CHCHD6: variants seen among roughly 807,000 people sequenced by gnomAD.
CHCHD6 encodes the protein coiled-coil-helix-coiled-coil-helix domain containing 6, also known as MICOS complex subunit MIC25.
Under a neutral mutation model 32.3 loss-of-function variants are expected in CHCHD6, and 28 were observed. The observed-to-expected ratio is 0.87, with a 90% CI of 0.64 to 1.19. The LOEUF (loss-of-function observed/expected upper bound fraction) is 1.19. Among genes scored for constraint, CHCHD6 ranks in the 50% most tolerant of loss-of-function variants. CHCHD6 has a pLI of 0.00. For missense variants in CHCHD6, 333 were observed against 307.0 expected (o/e 1.08, Z -0.63); for synonymous variants, 122 against 117.5 (o/e 1.04, Z -0.25).
chr3:126,864,696 C>T (rs1942177709), intron 5 of CHCHD6, among the ~76,000 whole-genome samples: 1 of 150,214 alleles, frequency 6.7e-6, no homozygotes, highest in Non-Finnish European at 1.5e-5. Context: ...CCTCCTCCAC[C>T]ATCATCTCCT....
intron 6 of CHCHD6, among the ~76,000 whole-genome samples, chr3:126,921,858 T>C (rs2078253271): frequency 6.6e-6 from 1 of 152,218 alleles, no homozygotes; most frequent in African/African-American, 2.4e-5. Context: ...CTTCCCCAGT[T>C]TGTATTTATT....
At chr3:126,769,386 G>T (rs1452460686) in intron 4 of CHCHD6, among the ~76,000 whole-genome samples, 1 of 152,146 alleles carries the variant, frequency 6.6e-6, no homozygotes, top group Non-Finnish European at 1.5e-5. Context: ...GTCTGTTTTT[G>T]TACCAATACT....
At chr3:126,939,483 T>C (rs954141948) in intron 6 of CHCHD6, among the ~76,000 whole-genome samples, 1 of 152,206 alleles carries the variant, frequency 6.6e-6, no homozygotes, top group Non-Finnish European at 1.5e-5. Context: ...TTAGCCTGTG[T>C]GTGTTTGTGT....
intron 1 of CHCHD6, among the ~76,000 whole-genome samples, chr3:126,718,770 C>G (rs1343217906): frequency 6.6e-6 from 1 of 152,238 alleles, no homozygotes; most frequent in African/African-American, 2.4e-5. Context: ...TGGCATCAAG[C>G]ACGCAGCCCC....
intron 4 of CHCHD6, among the ~76,000 whole-genome samples, chr3:126,799,431 G>T (rs1559850672): frequency 6.6e-6 from 1 of 152,168 alleles, no homozygotes; most frequent in Non-Finnish European, 1.5e-5. Flanking sequence ...AAATGTATTT[G>T]TTTCTTAGTG....
intron 4 of CHCHD6, among the ~76,000 whole-genome samples, chr3:126,827,360 A>G (rs1035702457): frequency 4.6e-5 from 7 of 152,162 alleles, no homozygotes; most frequent in African/African-American, 1.7e-4. Context: ...CATCTGGGAG[A>G]CAGTTGATGT....
chr3:126,771,362 G>A (rs1188661793), intron 4 of CHCHD6, among the ~76,000 whole-genome samples: 2 of 151,700 alleles, frequency 1.3e-5, no homozygotes, highest in Non-Finnish European at 2.9e-5. Flanking sequence ...GTACCACCAC[G>A]CCCGGCTAAT....
chr3:126,734,977 T>C (rs1474361739), intron 4 of CHCHD6, among the ~76,000 whole-genome samples: 1 of 152,152 alleles, frequency 6.6e-6, no homozygotes, highest in East Asian at 1.9e-4. Flanking sequence ...CCCCATGGCA[T>C]CCTGGTGAGG....
intron 1 of CHCHD6, among the ~76,000 whole-genome samples, chr3:126,719,703 A>G (rs750978540): frequency 4.0e-5 from 6 of 151,778 alleles, no homozygotes; most frequent in Non-Finnish European, 5.9e-5. Context: ...GAGCTCCAGA[A>G]ACTGAGGGAC....
At chr3:126,712,809 C>G (rs1346337956) in intron 1 of CHCHD6, among the ~76,000 whole-genome samples, 1 of 152,200 alleles carries the variant, frequency 6.6e-6, no homozygotes, top group Non-Finnish European at 1.5e-5. Flanking sequence ...TCTAAATGAC[C>G]CTGCCAGCAC....
At chr3:126,754,295 C>G (rs990263784) in intron 4 of CHCHD6, among the ~76,000 whole-genome samples, 5 of 152,198 alleles carry the variant, frequency 3.3e-5, no homozygotes, top group Non-Finnish European at 7.3e-5. Flanking sequence ...TTGCAAGGAT[C>G]AAGTGTAAAC....
At chr3:126,934,891 T>A (rs2078456720) in intron 6 of CHCHD6, among the ~76,000 whole-genome samples, 2 of 152,304 alleles carry the variant, frequency 1.3e-5, no homozygotes, top group South Asian at 4.1e-4. Context: ...TCCTGGGTCA[T>A]GTAAATTAAC....
At chr3:126,939,655 C>T (rs560174378) in intron 6 of CHCHD6, among the ~76,000 whole-genome samples, 55 of 152,310 alleles carry the variant, frequency 3.6e-4, no homozygotes, top group Middle Eastern at 6.8e-3. Flanking sequence ...TCACATACCT[C>T]GGCAGACATG....
At chr3:126,801,222 G>C (rs1422089330) in intron 4 of CHCHD6, among the ~76,000 whole-genome samples, 1 of 152,218 alleles carries the variant, frequency 6.6e-6, no homozygotes, top group African/African-American at 2.4e-5. Context: ...AGGACAGGCG[G>C]TGCAGCGCAC....
chr3:126,739,602 G>A (rs183111569), intron 4 of CHCHD6, among the ~76,000 whole-genome samples: 29 of 152,310 alleles, frequency 1.9e-4, no homozygotes, highest in Non-Finnish European at 3.5e-4. Context: ...TCTTGTCTTG[G>A]TATTTGACAA....
intron 6 of CHCHD6, among the ~76,000 whole-genome samples, chr3:126,919,476 GCTAA>G (rs1176235249): frequency 1.3e-5 from 2 of 151,588 alleles, no homozygotes; most frequent in Non-Finnish European, 1.5e-5. Context: ...ACCACATTCG[GCTAA>G]CTTTTTAAAT....
intron 6 of CHCHD6, among the ~76,000 whole-genome samples, chr3:126,945,941 A>C (rs527849394): frequency 2.0e-5 from 3 of 152,198 alleles, no homozygotes; most frequent in African/African-American, 7.2e-5. Flanking sequence ...AGCCACCCAC[A>C]GTCTGGAGTG....
intron 4 of CHCHD6, among the ~76,000 whole-genome samples, chr3:126,756,426 C>T (rs1344657128): frequency 6.6e-6 from 1 of 152,164 alleles, no homozygotes; most frequent in South Asian, 2.1e-4. Context: ...TTGTTTCTCA[C>T]CCCAGCTGGA....
chr3:126,729,658 G>A (rs530082733), intron 2 of CHCHD6, among the ~76,000 whole-genome samples: 1 of 152,248 alleles, frequency 6.6e-6, no homozygotes, highest in African/African-American at 2.4e-5. Context: ...CCCATGAGAG[G>A]TGGTTTGAAA....
Sources: gnomAD v4.1 joint callset for allele counts (sites outside exome capture counted in the v4.1 genomes callset) on GRCh38, gnomAD v4.1.1 for gene constraint, MANE v1.5 for transcripts, NCBI Gene and HGNC (gene_info 2026-07-23, HGNC 2026-07-21) for gene names.